The following RHOBTB3 variants were observed in gnomAD, a reference collection of about 807,000 sequenced individuals.
RHOBTB3 encodes the protein rho-related BTB domain-containing protein 3.
In RHOBTB3, 47 loss-of-function variants were observed where a neutral mutation model predicts 67.2. That is an observed-to-expected ratio of 0.70 (90% confidence interval 0.55 to 0.89). The LOEUF (loss-of-function observed/expected upper bound fraction) is 0.89. Ranked by LOEUF, RHOBTB3 falls within the 40% of genes least tolerant of loss-of-function variation. The pLI, the probability that RHOBTB3 is intolerant of heterozygous loss-of-function variation, is 0.00. For missense variants in RHOBTB3, 631 were observed against 750.0 expected, an observed-to-expected ratio of 0.84 and a Z score of 1.85; for synonymous variants, 273 against 274.2, an observed-to-expected ratio of 1.00 and a Z score of 0.04.
chr5:95,771,232 G>A (rs1248406391), intron 8 of RHOBTB3, among the ~76,000 whole-genome samples: 1 of 152,214 alleles, frequency 6.6e-6, no homozygotes, highest in African/African-American at 2.4e-5. Flanking sequence ...AAGATCGAAG[G>A]AGCTGTTTTC....
At chr5:95,733,499 C>G (rs941795297) in intron 2 of RHOBTB3, among the ~76,000 whole-genome samples, 1 of 152,312 alleles carries the variant, frequency 6.6e-6, no homozygotes, top group East Asian at 1.9e-4. Context: ...CCTGTTTATA[C>G]TGTTAATTTT....
At chr5:95,738,960 C>A (rs1214648894) in intron 3 of RHOBTB3, among the ~76,000 whole-genome samples, 1 of 152,204 alleles carries the variant, frequency 6.6e-6, no homozygotes, top group Non-Finnish European at 1.5e-5. Flanking sequence ...TCCTCCCACA[C>A]ACACACAGCA....
chr5:95,750,017 T>G (rs906111373), intron 4 of RHOBTB3, among the ~76,000 whole-genome samples: 10 of 152,238 alleles, frequency 6.6e-5, no homozygotes, highest in African/African-American at 2.4e-4. Context: ...AGTTTCTTTT[T>G]ACCTTAACTC....
intron 9 of RHOBTB3, among the ~76,000 whole-genome samples, chr5:95,780,638 C>T (rs1295854133): frequency 6.6e-6 from 1 of 152,064 alleles, no homozygotes. Flanking sequence ...TATGGGTCTC[C>T]GACGCCGGCA....
chr5:95,740,088 C>A lies in RHOBTB3; in HGVS notation c.415+3013C>A, dbSNP rs528483123. Among the ~76,000 whole-genome samples the A allele has an allele frequency of 2.0e-5, 3 of 152,256 alleles. No homozygotes were observed. In the East Asian group the frequency reaches 5.8e-4, roughly 29 times the overall value. ...TGATAGTGAGTAAGTCTCATGAGAT[C>A]TGATGGTTTTATAAAAGGGCAGTTC... On this transcript the variant is annotated intron_variant, in intron 3 of 11. Coordinates refer to ENST00000379982, the MANE Select transcript of RHOBTB3 (RefSeq NM_014899.4).
chr5:95,769,594 T>C (rs1033597501), intron 8 of RHOBTB3: 1 of 170,014 alleles, frequency 5.9e-6, no homozygotes, highest in African/African-American at 2.4e-5. Context: ...CAGTAAACGG[T>C]GGAAAAACAC....
chr5:95,759,232 C>T (rs190773018), intron 6 of RHOBTB3, among the ~76,000 whole-genome samples: 2 of 152,350 alleles, frequency 1.3e-5, no homozygotes, highest in Admixed American at 6.5e-5. Context: ...TCTCCTTGTA[C>T]GTCACGGCCA....
intron 1 of RHOBTB3, among the ~76,000 whole-genome samples, chr5:95,718,487 C>T (rs925144969): frequency 8.5e-5 from 13 of 152,318 alleles, no homozygotes; most frequent in Admixed American, 6.5e-5. Flanking sequence ...CTGATGCCTC[C>T]GTTTTCTCTG....
At position 95,731,877 on chromosome 5, in the gene RHOBTB3, G is replaced by C. The variant is rs770285715; in HGVS notation, c.21G>C (p.Ala7=). 6.2e-6 allele frequency: 10 copies of C among 1,613,050 alleles called. No individual in the cohort carries two copies. In the South Asian group the frequency reaches 1.1e-4, roughly 18 times the overall value. MSIHIV[A]LGNEGDTFHQ... ...CGTGCAGGTCCATCCACATCGTGGC[G>C]CTGGGGAACGAGGGGGACACATTCC... is the stretch of plus-strand genomic sequence containing the variant. Residue 7 remains alanine, a synonymous_variant, in exon 2 of 12, where the codon GCG becomes GCC. Transcript: ENST00000379982.
intron 11 of RHOBTB3, 76 bp from the exon 12 acceptor site, chr5:95,792,980 AGAG>A: frequency 1.0e-6 from 1 of 955,682 alleles, no homozygotes; most frequent in Non-Finnish European, 1.6e-6. Context: ...CATCTATTAA[AGAG>A]GAAATCAATA....
intron 3 of RHOBTB3, among the ~76,000 whole-genome samples, chr5:95,741,804 G>A (rs1755609337): frequency 6.6e-6 from 1 of 152,060 alleles, no homozygotes; most frequent in Admixed American, 6.6e-5. Flanking sequence ...GCAAAATAGT[G>A]ATGTTTCTAT....
chr5:95,731,832 C>T (rs950003255), intron 1 of RHOBTB3, 27 bp from the exon 2 acceptor site: 2 of 1,604,796 alleles, frequency 1.2e-6, no homozygotes, highest in Admixed American at 1.7e-5. Flanking sequence ...TGCTTCCCTT[C>T]TCCCCTCGCC....
chr5:95,770,482 C>T (rs1271862534), intron 8 of RHOBTB3: 4 of 313,002 alleles, frequency 1.3e-5, no homozygotes, highest in East Asian at 1.5e-4. Flanking sequence ...GTAGTTACAA[C>T]AATTGTGCAG....
chr5:95,744,620 A>T (rs1755699135), intron 3 of RHOBTB3, among the ~76,000 whole-genome samples: 1 of 152,182 alleles, frequency 6.6e-6, no homozygotes, highest in Non-Finnish European at 1.5e-5. Flanking sequence ...GTAATTACAA[A>T]GTAATTACAA....
Position 95,768,091 on chromosome 5 carries a change from T to C in RHOBTB3, c.1207T>C (p.Leu403=), listed in dbSNP as rs780160264. The C allele has an allele frequency of 6.2e-7, 1 of 1,612,806 alleles. No homozygotes were observed. Among genetic ancestry groups the C allele is most frequent in the Admixed American group, 1.7e-5 (1 of 60,004 alleles). Residue 403 remains leucine (L), a synonymous_variant, in exon 8 of 12, where the codon TTG becomes CTG. Coordinates refer to ENST00000379982, the MANE Select transcript of RHOBTB3 (RefSeq NM_014899.4). ...NCKTYQARKP[L]WFYNTSLKFF... Reference sequence around the variant, plus strand: ...CAAAACCTATCAAGCCAGAAAACCTTTGTGGTTTTATAACACTTCCCTCAA... The same window carrying C: ...CAAAACCTATCAAGCCAGAAAACCTCTGTGGTTTTATAACACTTCCCTCAA...
intron 7 of RHOBTB3, 167 bp from the exon 8 acceptor site, chr5:95,767,879 C>A: frequency 1.4e-6 from 1 of 734,240 alleles, no homozygotes; most frequent in Non-Finnish European, 2.5e-6. Context: ...GCAGCCCATA[C>A]AGTTCTTAAA....
Position 95,794,105 on chromosome 5 carries a change from G to C in RHOBTB3, c.*931G>C. 2.2e-6 allele frequency: 1 copy of C among 451,566 alleles called. No homozygotes were observed. The highest frequency in any genetic ancestry group is 1.6e-5 in the South Asian group (1 of 63,602). The allele number at this position is 451,566 out of a possible 1,614,324, so 28.0% of individuals were successfully genotyped here. ...AGATTCCCGCCTTTGGGGAGGTCTG[G>C]ACCACCCAGGGCCTCCACTGCCACC... On this transcript the variant is annotated 3_prime_UTR_variant, in exon 12 of 12. Coordinates refer to ENST00000379982, the MANE Select transcript of RHOBTB3 (RefSeq NM_014899.4).
intron 8 of RHOBTB3, 107 bp downstream of exon 8, chr5:95,768,273 C>T: frequency 1.9e-6 from 2 of 1,048,378 alleles, no homozygotes; most frequent in African/African-American, 1.6e-5. Context: ...TGATTATTCC[C>T]TACTGAGGTA....
At chr5:95,775,406 GTATATA>G (rs70978192) in intron 8 of RHOBTB3, among the ~76,000 whole-genome samples, 16 of 144,198 alleles carry the variant, frequency 1.1e-4, no homozygotes, top group Non-Finnish European at 2.0e-4. Context: ...ATATATATGT[GTATATA>G]TATATATATA....
Sources: allele counts gnomAD v4.1 joint callset (sites outside exome capture counted in the v4.1 genomes callset), GRCh38; gene constraint gnomAD v4.1.1; transcripts MANE v1.5; gene names NCBI Gene and HGNC (gene_info 2026-07-23, HGNC 2026-07-21).